ZBTB8B: variants seen among roughly 807,000 people sequenced by gnomAD.
ZBTB8B encodes the protein zinc finger and BTB domain containing 8B, also known as zinc finger and BTB domain-containing protein 8B.
ZBTB8B carries 17 observed loss-of-function variants against 30.3 expected under a neutral mutation model. The ratio of observed to expected loss-of-function variants is 0.56; its 90% CI spans 0.38 to 0.84. The LOEUF (loss-of-function observed/expected upper bound fraction) is 0.84, where lower values mean the gene tolerates loss of function less well. Ranked by LOEUF, ZBTB8B falls within the 40% of genes least tolerant of loss-of-function variation. ZBTB8B has a pLI of 0.00. For missense variants in ZBTB8B, 515 were observed against 644.9 expected, an observed-to-expected ratio of 0.80 and a Z score of 2.18; for synonymous variants, 248 against 255.6, an observed-to-expected ratio of 0.97 and a Z score of 0.28.
At chr1:32,466,811 G>A (rs923316683) in intron 1 of ZBTB8B, among the ~76,000 whole-genome samples, 12 of 152,072 alleles carry the variant, frequency 7.9e-5, no homozygotes, top group Non-Finnish European at 1.8e-4. Flanking sequence ...TACAAGTTAA[G>A]AAGTGTTGTG....
At chr1:32,467,085 A>G (rs1180442283) in intron 1 of ZBTB8B, among the ~76,000 whole-genome samples, 1 of 152,124 alleles carries the variant, frequency 6.6e-6, no homozygotes, top group East Asian at 1.9e-4. Flanking sequence ...TGAGCCTGGG[A>G]GGTCGAGGCG....
In ZBTB8B at chr1:32,492,215, C is replaced by T. The variant is rs1216648245; in HGVS notation, c.*6797C>T. On this transcript the variant is annotated 3_prime_UTR_variant, in exon 4 of 4. Coordinates refer to ENST00000609129, the MANE Select transcript of ZBTB8B (RefSeq NM_001145720.2). Reference sequence around the variant, plus strand: ...TAGGGACATTATTGAATGGACATGTCTGAGTATTCCATCAGTCATATTTTG... The same window carrying T: ...TAGGGACATTATTGAATGGACATGTTTGAGTATTCCATCAGTCATATTTTG... The T allele has an allele frequency of 6.6e-6, 1 of 151,432 alleles. No homozygotes were observed. The highest frequency in any genetic ancestry group is 1.5e-5 in the Non-Finnish European group (1 of 68,356). 9.4% of individuals were successfully genotyped at this position (151,432 alleles called of 1,614,324 possible).
intron 2 of ZBTB8B, among the ~76,000 whole-genome samples, chr1:32,480,666 C>T (rs1297770990): frequency 6.6e-6 from 1 of 152,170 alleles, no homozygotes; most frequent in Non-Finnish European, 1.5e-5. Flanking sequence ...TTATAGCATT[C>T]CCGACATTAT....
Position 32,484,781 on chromosome 1 carries a change from G to A in ZBTB8B, c.1171-320G>A, listed in dbSNP as rs945168880. On this transcript the variant is annotated intron_variant, in intron 3 of 3. Transcript: ENST00000609129. This position sits in a 1 kb window ranked among gnomAD's most constrained non-coding sequence, Gnocchi z 4.5. Reference sequence around the variant, plus strand: ...CCCTGCTCTGGCCATGTGAAGTGCCGGCTCCCCCTTTGTCTTCTGCCACAA... The same window carrying A: ...CCCTGCTCTGGCCATGTGAAGTGCCAGCTCCCCCTTTGTCTTCTGCCACAA... Among the ~76,000 whole-genome samples, 10 of 151,792 alleles carry A rather than the reference G, an allele frequency of 6.6e-5. No homozygotes were observed. The highest frequency in any genetic ancestry group is 1.2e-4 in the African/African-American group (5 of 41,264).
chr1:32,470,239 G>A lies in ZBTB8B; in HGVS notation c.-41-345G>A, dbSNP rs1036099660. 2.6e-5 allele frequency among the ~76,000 whole-genome samples: 4 copies of A among 151,274 alleles called. 1 individual carries two copies. The highest frequency in any genetic ancestry group is 4.2e-4 in the South Asian group (2 of 4,770). Reference sequence around the variant, plus strand: ...TTATTGGCCGGGCGTGGTGGCTCACGCCTGTAATCCCAGCGCTTTGGGAGG... The same window carrying A: ...TTATTGGCCGGGCGTGGTGGCTCACACCTGTAATCCCAGCGCTTTGGGAGG... On this transcript the variant is annotated intron_variant, in intron 1 of 3. Transcript: ENST00000609129.
chr1:32,467,060 G>A (rs1643576783), intron 1 of ZBTB8B, among the ~76,000 whole-genome samples: 1 of 152,112 alleles, frequency 6.6e-6, no homozygotes. Flanking sequence ...GGGAGGCTGA[G>A]GTAGGAGGAT....
chr1:32,469,962 C>T (rs914736246), intron 1 of ZBTB8B, among the ~76,000 whole-genome samples: 4 of 152,056 alleles, frequency 2.6e-5, no homozygotes, highest in South Asian at 2.1e-4. Flanking sequence ...TCTTGTTTCA[C>T]GCAGCTTACA....
rs1442419089 is a variant in ZBTB8B, at chr1:32,494,709, T to C, written c.*9291T>C. On this transcript the variant is annotated 3_prime_UTR_variant, in exon 4 of 4. Transcript: ENST00000609129. Reference sequence around the variant, plus strand: ...TTAATATGTGTTCTGTGTTTGATTGTAATGTATTCATTTTACTTATAAAAA... The same window carrying C: ...TTAATATGTGTTCTGTGTTTGATTGCAATGTATTCATTTTACTTATAAAAA... 2.0e-5 allele frequency: 3 copies of C among 152,240 alleles called. No individual in the cohort carries two copies. In the East Asian group the frequency reaches 5.8e-4, roughly 29 times the overall value. The allele number at this position is 152,240 out of a possible 1,614,324, so 9.4% of individuals were successfully genotyped here. A position where few individuals can be genotyped will look rare whatever the true frequency, so the allele number is the denominator to read the frequency against.
At chr1:32,469,246 A>ATTTCTTT (rs1643597628) in intron 1 of ZBTB8B, among the ~76,000 whole-genome samples, 1 of 117,352 alleles carries the variant, frequency 8.5e-6, no homozygotes, top group Admixed American at 9.2e-5. Context: ...CTCAAGTATA[A>ATTTCTTT]TTTTTTTTTT....
At chr1:32,475,374 G>A (rs538821659) in intron 2 of ZBTB8B, among the ~76,000 whole-genome samples, 1 of 152,218 alleles carries the variant, frequency 6.6e-6, no homozygotes, top group South Asian at 2.1e-4. Flanking sequence ...TTGAGGTCAG[G>A]AGTTCAAGAC....
chr1:32,475,120 C>T (rs1410671667), intron 2 of ZBTB8B, among the ~76,000 whole-genome samples: 2 of 152,204 alleles, frequency 1.3e-5, no homozygotes, highest in Non-Finnish European at 2.9e-5. Flanking sequence ...TTCATTCATA[C>T]GGCTCCAGGG....
chr1:32,476,419 T>G (rs1643665758), intron 2 of ZBTB8B, among the ~76,000 whole-genome samples: 1 of 152,104 alleles, frequency 6.6e-6, no homozygotes, highest in Admixed American at 6.6e-5. Flanking sequence ...CTGCTTTTCC[T>G]TCTGTTAATT....
chr1:32,493,469 T>C lies in ZBTB8B; in HGVS notation c.*8051T>C, dbSNP rs1458742344. 6.6e-6 allele frequency: 1 copy of C among 151,010 alleles called. No individual in the cohort carries two copies. The allele number at this position is 151,010 out of a possible 1,614,324, so 9.4% of individuals were successfully genotyped here. The stretch of plus-strand genomic sequence containing the variant: ...TGGTTTTCTTTTTTAAAAAATAATA[T>C]GGTTTTCTGGCCGGGAGCAGTGGCT... On this transcript the variant is annotated 3_prime_UTR_variant, in exon 4 of 4. Transcript: ENST00000609129.
chr1:32,485,006 C>T (rs1384710485), intron 3 of ZBTB8B, 95 bp from the exon 4 acceptor site: 28 of 1,216,798 alleles, frequency 2.3e-5, no homozygotes, highest in African/African-American at 6.1e-5. Context: ...AAAAAGGAAT[C>T]GGGAGGATCA....
rs1404718197 is a variant in ZBTB8B at position 32,471,065 on chromosome 1, G to A, written c.441G>A (p.Ala147=). 4.5e-6 allele frequency: 7 copies of A among 1,544,866 alleles called. No individual in the cohort carries two copies. The highest frequency in any genetic ancestry group is 3.3e-4 in the Middle Eastern group (2 of 5,988). The part of the protein sequence containing the change: ...AVAAAAAAAA[A]AAAAAAHQVD... Reference sequence around the variant, plus strand: ...CGGCGGCAGCGGCGGCGGCTGCAGCGGCGGCAGCAGCGGCGGCTCATCAGG... The same window carrying A: ...CGGCGGCAGCGGCGGCGGCTGCAGCAGCGGCAGCAGCGGCGGCTCATCAGG... Residue 147 remains alanine, a synonymous_variant, in exon 2 of 4, where the codon GCG becomes GCA. Transcript: ENST00000609129.
rs904972989 is a variant in ZBTB8B, at chr1:32,495,591, T to C, written c.*10173T>C. 4 of 152,226 alleles carry C rather than the reference T, an allele frequency of 2.6e-5. No homozygotes were observed. Among genetic ancestry groups the C allele is most frequent in the Non-Finnish European group, 4.4e-5 (3 of 68,036 alleles). The allele number at this position is 152,226 out of a possible 1,614,324, so 9.4% of individuals were successfully genotyped here. A position where few individuals can be genotyped will look rare whatever the true frequency, so the allele number is the denominator to read the frequency against. On this transcript the variant is annotated 3_prime_UTR_variant, in exon 4 of 4. Transcript: ENST00000609129. ...AAGGAAAAAGTCCTTTGTTCCTCTGTTGCTCATTTTGTCCTCGGAAACAAA... is the reference window on the plus strand; with the variant it reads ...AAGGAAAAAGTCCTTTGTTCCTCTGCTGCTCATTTTGTCCTCGGAAACAAA...
At chr1:32,475,772 G>A (rs1034178944) in intron 2 of ZBTB8B, among the ~76,000 whole-genome samples, 2 of 150,970 alleles carry the variant, frequency 1.3e-5, no homozygotes, top group Non-Finnish European at 2.9e-5. Context: ...GGGAAAAATT[G>A]ACTGGAATCA....
At position 32,487,151 on chromosome 1, in the gene ZBTB8B, C is replaced by T. The variant is rs41265849; in HGVS notation, c.*1733C>T. 3 of 152,064 alleles carry T rather than the reference C, an allele frequency of 2.0e-5. No homozygotes were observed. The highest frequency in any genetic ancestry group is 7.2e-5 in the African/African-American group (3 of 41,404). 9.4% of individuals were successfully genotyped at this position (152,064 alleles called of 1,614,324 possible). A position where few individuals can be genotyped will look rare whatever the true frequency, so the allele number is the denominator to read the frequency against. ...GTCACTTTTATTTCTACCTCTTGAA[C>T]AACAAAAAAGTCAAAAACATTATAA... On this transcript the variant is annotated 3_prime_UTR_variant, in exon 4 of 4. Transcript: ENST00000609129.
In ZBTB8B at chr1:32,480,882, G is replaced by A; in HGVS notation, c.992-9G>A. On this transcript the variant is annotated splice_polypyrimidine_tract_variant and intron_variant, in intron 2 of 3. Transcript: ENST00000609129. The stretch of plus-strand genomic sequence containing the variant: ...CAGCACAGCTAAATGAAAGCATTTG[G>A]TTCCCCAGGTGATGTGCTGGTGGTC... The A allele has an allele frequency of 6.5e-7, 1 of 1,550,076 alleles. No individual in the cohort carries two copies. The highest frequency in any genetic ancestry group is 8.7e-7 in the Non-Finnish European group (1 of 1,145,960).
Sources: gnomAD v4.1 joint callset for allele counts (sites outside exome capture counted in the v4.1 genomes callset) on GRCh38, gnomAD v4.1.1 for gene constraint, Gnocchi (gnomAD v3.1) non-coding constraint, MANE v1.5 for transcripts, NCBI Gene and HGNC (gene_info 2026-07-23, HGNC 2026-07-21) for gene names.